The following GTF2IRD2B variants were observed in gnomAD, a reference collection of about 807,000 sequenced individuals.
GTF2IRD2B encodes GTF2I repeat domain containing 2B, also known as general transcription factor II-I repeat domain-containing protein 2B.
Under a neutral mutation model 55.6 loss-of-function variants are expected in GTF2IRD2B, and 10 were observed. That is an observed-to-expected ratio of 0.18 (90% CI 0.11 to 0.31). The LOEUF (loss-of-function observed/expected upper bound fraction) is 0.31. GTF2IRD2B is among the 10% of genes least tolerant of loss of function. GTF2IRD2B has a pLI of 1.00. For synonymous variants in GTF2IRD2B, 107 were observed against 320.5 expected, an observed-to-expected ratio of 0.33 and a Z score of 7.12; for missense variants, 206 against 802.7, an observed-to-expected ratio of 0.26 and a Z score of 8.98.
intron 1 of GTF2IRD2B, among the ~76,000 whole-genome samples, chr7:75,104,928 C>T (rs1554449998): frequency 1.3e-5 from 2 of 152,300 alleles, no homozygotes; most frequent in Non-Finnish European, 2.9e-5. Flanking sequence ...GGCGCGGTGG[C>T]TCACACCTGT....
At chr7:75,121,766 CT>C (rs200715781) in intron 4 of GTF2IRD2B, among the ~76,000 whole-genome samples, 2,065 of 133,532 alleles carry the variant, frequency 0.015, 87 homozygotes, top group Admixed American at 0.086. Context: ...GCCACCAGTT[CT>C]TTTTTTTTTT....
intron 9 of GTF2IRD2B, 96 bp from the exon 10 acceptor site, chr7:75,134,905 C>T (rs587648201): frequency 6.5e-7 from 1 of 1,536,402 alleles, no homozygotes; most frequent in East Asian, 2.3e-5. Flanking sequence ...CAGGTGTATT[C>T]CTGCGTGGGT....
intron 1 of GTF2IRD2B, among the ~76,000 whole-genome samples, chr7:75,105,747 TC>T (rs1298852847): frequency 5.3e-5 from 8 of 152,306 alleles, no homozygotes; most frequent in Non-Finnish European, 1.0e-4. Context: ...TCTGTAACTG[TC>T]CAGACTGGCT....
At chr7:75,132,675 C>T (rs2115814896) in intron 8 of GTF2IRD2B, among the ~76,000 whole-genome samples, 1 of 137,726 alleles carries the variant, frequency 7.3e-6, no homozygotes, top group African/African-American at 3.1e-5. Context: ...CTGCCTCAGC[C>T]TCCCATGTGG....
At chr7:75,136,171 T>A (rs1442334488) in intron 10 of GTF2IRD2B, among the ~76,000 whole-genome samples, 2 of 122,612 alleles carry the variant, frequency 1.6e-5, no homozygotes, top group Non-Finnish European at 3.3e-5. Flanking sequence ...ATAATAATAA[T>A]AAAGATTTCC....
intron 1 of GTF2IRD2B, among the ~76,000 whole-genome samples, chr7:75,102,362 C>T (rs587719669): frequency 6.6e-6 from 1 of 151,422 alleles, no homozygotes; most frequent in East Asian, 1.9e-4. Context: ...AGCTATCAAC[C>T]TGAAATAACC....
chr7:75,135,379 C>T, intron 10 of GTF2IRD2B, among the ~76,000 whole-genome samples: 1 of 151,882 alleles, frequency 6.6e-6, no homozygotes, highest in South Asian at 2.1e-4. Flanking sequence ...AGTGATCCGT[C>T]CACCTCTGCC....
chr7:75,132,723 T>C (rs1202787069), intron 8 of GTF2IRD2B, among the ~76,000 whole-genome samples: 27 of 145,410 alleles, frequency 1.9e-4, no homozygotes, highest in Non-Finnish European at 2.7e-4. Context: ...CAGCTAATTT[T>C]TGTAGTTTTA....
chr7:75,123,270 C>T lies in GTF2IRD2B; in HGVS notation c.493C>T (p.Leu165=), dbSNP rs1554452167. 2.3e-6 allele frequency: 3 copies of T among 1,311,246 alleles called. No individual in the cohort carries two copies. The highest frequency in any genetic ancestry group is 3.1e-6 in the Non-Finnish European group (3 of 959,672). 81.2% of individuals were successfully genotyped at this position (1,311,246 alleles called of 1,614,324 possible). ...QHPENYDLAT[L]KWILENKAGI... ...CCCTGAGAATTACGACCTTGCAACC[C>T]TGAAATGGATTTTGGAGAACAAAGC... Residue 165 remains leucine (L), a synonymous_variant, in exon 5 of 16, where the codon CTG becomes TTG. Transcript: ENST00000472837.
At chr7:75,139,277 G>A (rs1373073322) in intron 12 of GTF2IRD2B, among the ~76,000 whole-genome samples, 1 of 21,404 alleles carries the variant, frequency 4.7e-5, no homozygotes, top group African/African-American at 1.8e-4. Flanking sequence ...CAGGCAGCAC[G>A]GAGCACCAGC....
chr7:75,132,561 T>C (rs1263815118), intron 8 of GTF2IRD2B, among the ~76,000 whole-genome samples: 1 of 124,896 alleles, frequency 8.0e-6, no homozygotes, highest in African/African-American at 3.5e-5. Flanking sequence ...TTTTTTTTTT[T>C]TTTTTTTTTT....
At position 75,103,533 on chromosome 7, in the gene GTF2IRD2B, G is replaced by A. The variant is rs587753521; in HGVS notation, c.-5-5427G>A. 2.4e-3 allele frequency among the ~76,000 whole-genome samples: 364 copies of A among 149,878 alleles called. 3 individuals are homozygous for A. The highest frequency in any genetic ancestry group is 8.5e-3 in the African/African-American group (350 of 41,242). On this transcript the variant is annotated intron_variant, in intron 1 of 15. Transcript: ENST00000472837. ...GAGAGGGAGCCGTCCCCAAGTGAAG[G>A]GTGCAGGGAAGGCTCCATGAATAGT...
chr7:75,093,144 C>T (rs1554448705), intron 1 of GTF2IRD2B, among the ~76,000 whole-genome samples: 2 of 151,410 alleles, frequency 1.3e-5, no homozygotes, highest in Non-Finnish European at 3.0e-5. Flanking sequence ...CGGGGGCCGC[C>T]GCTGTTACCA....
intron 14 of GTF2IRD2B, 91 bp from the exon 15 acceptor site, chr7:75,143,858 AT>A (rs1809084309): frequency 1.2e-5 from 5 of 413,260 alleles, no homozygotes; most frequent in African/African-American, 2.5e-5. Context: ...CTGTAAAAAA[AT>A]AAATAAGTAA....
At chr7:75,103,276 C>T (rs1554449750) in intron 1 of GTF2IRD2B, among the ~76,000 whole-genome samples, 1 of 151,794 alleles carries the variant, frequency 6.6e-6, no homozygotes, top group African/African-American at 2.4e-5. Context: ...AAGACCTTGT[C>T]TCAAAAAATA....
At chr7:75,106,441 TG>T (rs1807811329) in intron 1 of GTF2IRD2B, among the ~76,000 whole-genome samples, 1 of 150,990 alleles carries the variant, frequency 6.6e-6, no homozygotes, top group South Asian at 2.1e-4. Flanking sequence ...ACACTCATGT[TG>T]ATCTGTGTAT....
Position 75,132,006 on chromosome 7 carries a change from C to T in GTF2IRD2B, c.671-1129C>T, listed in dbSNP as rs1185717283. The stretch of plus-strand genomic sequence containing the variant: ...CAACCGCACCCTTCTCTGATAAAGG[C>T]GTTAGGTTGTACTGATATAGCTTCT... On this transcript the variant is annotated intron_variant, in intron 8 of 15. Transcript: ENST00000472837. Among the ~76,000 whole-genome samples the T allele has an allele frequency of 1.2e-4, 18 of 146,896 alleles. 1 individual carries two copies. The highest frequency in any genetic ancestry group is 3.5e-4 in the African/African-American group (13 of 36,768).
At chr7:75,133,681 TACAGGCGTGTGCC>T (rs1376303068) in intron 9 of GTF2IRD2B, among the ~76,000 whole-genome samples, 1 of 148,926 alleles carries the variant, frequency 6.7e-6, no homozygotes, top group Admixed American at 6.6e-5. Context: ...GAGGTGGGAT[TACAGGCGTGTGCC>T]ACCACGCCTG....
intron 1 of GTF2IRD2B, among the ~76,000 whole-genome samples, chr7:75,104,410 C>T (rs1167220813): frequency 1.5e-4 from 23 of 152,146 alleles, no homozygotes; most frequent in African/African-American, 4.3e-4. Context: ...TGAGCCACCA[C>T]GCCGGCCCCA....
Sources: allele counts gnomAD v4.1 joint callset (sites outside exome capture counted in the v4.1 genomes callset), GRCh38; gene constraint gnomAD v4.1.1; transcripts MANE v1.5; gene names NCBI Gene and HGNC (gene_info 2026-07-23, HGNC 2026-07-21).